Variants in LRMDA observed in about 807,000 individuals in gnomAD.
The protein encoded by LRMDA is leucine rich melanocyte differentiation associated.
A neutral mutation model predicts 29.8 loss-of-function variants in LRMDA; 18 were observed. The observed-to-expected ratio is 0.60, with a 90% CI of 0.42 to 0.90. The LOEUF is 0.90. LRMDA is among the 40% of genes least tolerant of loss of function. LRMDA has a pLI of 0.00. For synonymous variants in LRMDA, 125 were observed against 109.4 expected, an observed-to-expected ratio of 1.14 and a Z score of -0.89; for missense variants, 273 against 273.9, an observed-to-expected ratio of 1.00 and a Z score of 0.02.
intron 2 of LRMDA, among the ~76,000 whole-genome samples, chr10:75,487,831 C>T (rs956506092): frequency 1.3e-5 from 2 of 152,170 alleles, no homozygotes; most frequent in African/African-American, 2.4e-5. Context: ...GGGGAGTCAT[C>T]GCTCCATGCA....
chr10:75,487,177 A>G (rs1294662768), intron 2 of LRMDA, among the ~76,000 whole-genome samples: 1 of 152,224 alleles, frequency 6.6e-6, no homozygotes, highest in Non-Finnish European at 1.5e-5. Flanking sequence ...GCCTCTTTAT[A>G]TGATGATTTT....
chr10:76,214,465 C>G (rs1851693544), intron 5 of LRMDA, among the ~76,000 whole-genome samples: 1 of 151,790 alleles, frequency 6.6e-6, no homozygotes, highest in Admixed American at 6.6e-5. Context: ...CTGCCTCAGC[C>G]TCCCGAGTAG....
chr10:75,450,276 TTTTAAA>T, intron 2 of LRMDA: 1 of 152,314 alleles, frequency 6.6e-6, no homozygotes, highest in Admixed American at 6.5e-5. Context: ...TAGAGTGTTT[TTTTAAA>T]GCTCCTCCTC....
intron 5 of LRMDA, among the ~76,000 whole-genome samples, chr10:76,081,607 A>C (rs539292093): frequency 6.6e-6 from 1 of 152,296 alleles, no homozygotes; most frequent in Admixed American, 6.5e-5. Flanking sequence ...TTTTAATCCT[A>C]CTAATTGCCT....
At chr10:75,939,399 A>C (rs901806790) in intron 2 of LRMDA, among the ~76,000 whole-genome samples, 1 of 152,126 alleles carries the variant, frequency 6.6e-6, no homozygotes, top group Non-Finnish European at 1.5e-5. Flanking sequence ...TTTGTCGTGA[A>C]TTATGTCCTA....
chr10:75,705,229 A>G (rs982902219), intron 2 of LRMDA, among the ~76,000 whole-genome samples: 2 of 152,170 alleles, frequency 1.3e-5, no homozygotes, highest in African/African-American at 4.8e-5. Context: ...AGTATCAGCA[A>G]TGGTGTTGAG....
chr10:76,368,206 C>T (rs1051391823), intron 6 of LRMDA, among the ~76,000 whole-genome samples: 13 of 152,094 alleles, frequency 8.5e-5, no homozygotes, highest in African/African-American at 3.1e-4. Flanking sequence ...TTCTTCTGTG[C>T]TCTTTCAGAC....
intron 5 of LRMDA, among the ~76,000 whole-genome samples, chr10:76,137,126 C>A (rs1259251071): frequency 6.6e-6 from 1 of 152,194 alleles, no homozygotes; most frequent in African/African-American, 2.4e-5. Context: ...TACTACCGAC[C>A]CTTCCTTTAG....
intron 6 of LRMDA, among the ~76,000 whole-genome samples, chr10:76,491,064 C>T (rs1279637691): frequency 6.6e-6 from 1 of 151,842 alleles, no homozygotes; most frequent in African/African-American, 2.4e-5. Flanking sequence ...AAAAAATCAG[C>T]ACATTAACTT....
At chr10:76,350,597 T>C (rs1441975935) in intron 6 of LRMDA, among the ~76,000 whole-genome samples, 1 of 152,078 alleles carries the variant, frequency 6.6e-6, no homozygotes, top group African/African-American at 2.4e-5. Context: ...CTAACGTTGC[T>C]GGTGTAGGGT....
chr10:75,488,783 G>A (rs546402247), intron 2 of LRMDA, among the ~76,000 whole-genome samples: 1 of 152,258 alleles, frequency 6.6e-6, no homozygotes, highest in East Asian at 1.9e-4. Context: ...GCAGCGCTGT[G>A]GCTGAGGGTG....
chr10:75,672,206 A>T (rs1019346269), intron 2 of LRMDA, among the ~76,000 whole-genome samples: 13 of 152,080 alleles, frequency 8.5e-5, no homozygotes, highest in Non-Finnish European at 1.5e-5. Context: ...TTATTTTCAT[A>T]TGTGGCCATC....
At chr10:75,936,033 G>A (rs1175448850) in intron 2 of LRMDA, among the ~76,000 whole-genome samples, 1 of 152,016 alleles carries the variant, frequency 6.6e-6, no homozygotes, top group African/African-American at 2.4e-5. Context: ...TTAAAAGACT[G>A]ATTATAAGTG....
At position 75,630,981 on chromosome 10, in the gene LRMDA, C is replaced by A. The variant is rs190554941; in HGVS notation, c.131+192487C>A. On this transcript the variant is annotated intron_variant, in intron 2 of 6. Transcript: ENST00000611255. ...TTGGGGCCTGCTTCCCTCCTCGTCC[C>A]TCATGTTTGGTTCACATTCATGGCT... 2.6e-5 allele frequency among the ~76,000 whole-genome samples: 4 copies of A among 152,292 alleles called. No homozygotes were observed. The East Asian group carries it at 7.7e-4, about 29-fold the overall frequency.
At chr10:75,998,552 A>T (rs1410994145) in intron 2 of LRMDA, among the ~76,000 whole-genome samples, 1 of 152,242 alleles carries the variant, frequency 6.6e-6, no homozygotes, top group Non-Finnish European at 1.5e-5. Flanking sequence ...ATTATGCACC[A>T]TGTACTGTTG....
chr10:76,004,147 A>G (rs1002100315), intron 2 of LRMDA, among the ~76,000 whole-genome samples: 1 of 152,244 alleles, frequency 6.6e-6, no homozygotes, highest in Non-Finnish European at 1.5e-5. Flanking sequence ...CTAGTTGCAC[A>G]TTTAGCTTCA....
intron 2 of LRMDA, among the ~76,000 whole-genome samples, chr10:75,557,145 C>T (rs1165304767): frequency 6.6e-6 from 1 of 151,850 alleles, no homozygotes; most frequent in Non-Finnish European, 1.5e-5. Context: ...GAAACCCTGT[C>T]TCTATTAAAA....
At chr10:76,148,125 G>A (rs1316411513) in intron 5 of LRMDA, among the ~76,000 whole-genome samples, 1 of 152,136 alleles carries the variant, frequency 6.6e-6, no homozygotes, top group South Asian at 2.1e-4. Flanking sequence ...TAGGCTACTC[G>A]GAAGTCAGGG....
intron 2 of LRMDA, among the ~76,000 whole-genome samples, chr10:75,582,012 G>C (rs1193713862): frequency 6.6e-6 from 1 of 152,328 alleles, no homozygotes; most frequent in Admixed American, 6.5e-5. Flanking sequence ...TGAGGGGTGG[G>C]CTCCCAAGGT....
Sources: gnomAD v4.1 joint callset for allele counts (sites outside exome capture counted in the v4.1 genomes callset) on GRCh38, gnomAD v4.1.1 for gene constraint, MANE v1.5 for transcripts, NCBI Gene and HGNC (gene_info 2026-07-23, HGNC 2026-07-21) for gene names.